Variants in MEI1 observed in about 807,000 individuals in gnomAD.
MEI1 encodes meiosis inhibitor protein 1.
A neutral mutation model predicts 146.2 loss-of-function variants in MEI1; 103 were observed. The observed-to-expected ratio is 0.70, with a 90% CI of 0.60 to 0.83. The LOEUF (loss-of-function observed/expected upper bound fraction) is 0.83. MEI1 is among the 40% of genes least tolerant of loss of function. The probability of loss-of-function intolerance (pLI) is 0.00; values close to 1 mark genes in which losing one functional copy is unlikely to be tolerated. For synonymous variants in MEI1, 652 were observed against 628.2 expected, an observed-to-expected ratio of 1.04 and a Z score of -0.57; for missense variants, 1,529 against 1,533.0, an observed-to-expected ratio of 1.00 and a Z score of 0.04.
In MEI1 at chr22:41,730,652, T is replaced by C; in HGVS notation, c.1096+15T>C. The C allele has an allele frequency of 6.4e-7, 1 of 1,568,344 alleles. No homozygotes were observed. Among genetic ancestry groups the C allele is most frequent in the Non-Finnish European group, 8.8e-7 (1 of 1,138,460 alleles). On this transcript the variant is annotated intron_variant, in intron 9 of 30. Coordinates refer to ENST00000401548, the MANE Select transcript of MEI1 (RefSeq NM_152513.4). ...CACGGTGTATGGTTGGTAGTAAGGGTCCTGTACTAGCTTTGGGTTGGGTGG... is the reference window on the plus strand; with the variant it reads ...CACGGTGTATGGTTGGTAGTAAGGGCCCTGTACTAGCTTTGGGTTGGGTGG...
chr22:41,793,032 CTTTTT>C (rs869223251), intron 26 of MEI1, among the ~76,000 whole-genome samples: 75 of 48,446 alleles, frequency 1.5e-3, no homozygotes, highest in African/African-American at 2.3e-3. Flanking sequence ...ACAAAGCATT[CTTTTT>C]TTTTTTTTTT....
Position 41,794,426 on chromosome 22 carries a change from T to C in MEI1, c.3483T>C (p.Asp1161=). ...GGTTTTTGCTGTTTACCCTCTTGGA[T>C]GCTGGAGAGAATTCCTTCCTCAGAC... The part of the protein sequence containing the change: ...WNRFLLFTLL[D]AGENSFLRPE... Residue 1161 remains aspartate, a synonymous_variant, in exon 28 of 31, where the codon GAT becomes GAC. Coordinates refer to ENST00000401548, the MANE Select transcript of MEI1 (RefSeq NM_152513.4). 1 of 1,614,026 alleles carries C rather than the reference T, an allele frequency of 6.2e-7. No individual in the cohort carries two copies. Among genetic ancestry groups the C allele is most frequent in the Non-Finnish European group, 8.5e-7 (1 of 1,179,878 alleles).
chr22:41,714,921 A>G (rs1169305631), intron 4 of MEI1, among the ~76,000 whole-genome samples: 3 of 152,122 alleles, frequency 2.0e-5, no homozygotes, highest in African/African-American at 4.8e-5. Context: ...TTTGTGTTGT[A>G]TTTAAGACTG....
chr22:41,721,533 C>T (rs763418956), intron 6 of MEI1, among the ~76,000 whole-genome samples: 7 of 146,740 alleles, frequency 4.8e-5, no homozygotes, highest in Admixed American at 2.1e-4. Flanking sequence ...TATGAGTCAC[C>T]GTGCCCAGCC....
rs1363834485 is a variant in MEI1 at position 41,794,477 on chromosome 22, G to C, written c.3534G>C (p.Leu1178=). The change falls in exon 28 of 31, where the codon CTG becomes CTC. Residue 1178 remains leucine, a splice_region_variant and synonymous_variant. Transcript: ENST00000401548. The part of the protein sequence containing the change: ...LRPEILRLMT[L]FMRYRSSSVL... ...CTGAGATTTTGAGGCTCATGACCCT[G>C]GTAAGTGCAGAAAGGATATCTTGTG... 8.1e-6 allele frequency: 13 copies of C among 1,611,662 alleles called. No individual in the cohort carries two copies. Among genetic ancestry groups the C allele is most frequent in the Non-Finnish European group, 1.1e-5 (13 of 1,177,812 alleles).
At chr22:41,706,386 A>G (rs948123708) in intron 3 of MEI1, among the ~76,000 whole-genome samples, 2 of 152,226 alleles carry the variant, frequency 1.3e-5, no homozygotes, top group East Asian at 1.9e-4. Flanking sequence ...ACATAGATAG[A>G]TAAGACATGG....
intron 26 of MEI1, among the ~76,000 whole-genome samples, chr22:41,788,774 C>T (rs942888414): frequency 6.6e-6 from 1 of 152,148 alleles, no homozygotes; most frequent in African/African-American, 2.4e-5. Context: ...TTTCACCATT[C>T]GCCTCTCATG....
At chr22:41,746,746 C>G (rs1277909533) in intron 14 of MEI1, among the ~76,000 whole-genome samples, 2 of 152,144 alleles carry the variant, frequency 1.3e-5, no homozygotes, top group African/African-American at 4.8e-5. Flanking sequence ...TTACTGGGAA[C>G]AGTAGGTGGC....
At chr22:41,775,959 T>C (rs924123699) in intron 20 of MEI1, 143 bp from the exon 21 acceptor site, 34 of 750,274 alleles carry the variant, frequency 4.5e-5, no homozygotes, top group Admixed American at 1.3e-4. Context: ...CTTTGGTACA[T>C]AATAGGTGCT....
At chr22:41,785,878 T>A (rs1434718325) in intron 26 of MEI1, among the ~76,000 whole-genome samples, 1 of 134,844 alleles carries the variant, frequency 7.4e-6, no homozygotes, top group African/African-American at 2.6e-5. Context: ...TTTATTTTTT[T>A]ATTTTTTTAT....
At chr22:41,751,708 G>A (rs2073761578) in intron 15 of MEI1, among the ~76,000 whole-genome samples, 1 of 149,088 alleles carries the variant, frequency 6.7e-6, no homozygotes, top group Non-Finnish European at 1.5e-5. Flanking sequence ...CGAGGCGGAG[G>A]TTACAGTGAG....
chr22:41,790,202 C>T (rs1404720000), intron 26 of MEI1, among the ~76,000 whole-genome samples: 5 of 152,144 alleles, frequency 3.3e-5, no homozygotes, highest in African/African-American at 1.2e-4. Context: ...CGTGCCTCAG[C>T]CTACCAAGTA....
At chr22:41,744,891 AGAG>A in intron 12 of MEI1, 79 bp from the exon 13 acceptor site, 1 of 698,398 alleles carries the variant, frequency 1.4e-6, no homozygotes. Context: ...TGTGAGAAGA[AGAG>A]GTCTACAGTC....
At chr22:41,772,288 C>T (rs1314022568) in intron 20 of MEI1, among the ~76,000 whole-genome samples, 1 of 151,994 alleles carries the variant, frequency 6.6e-6, no homozygotes, top group Non-Finnish European at 1.5e-5. Context: ...GTGGCAGGAT[C>T]ATGGCTCACT....
intron 21 of MEI1, among the ~76,000 whole-genome samples, chr22:41,778,132 G>T (rs781136654): frequency 2.0e-5 from 3 of 152,016 alleles, no homozygotes; most frequent in Non-Finnish European, 4.4e-5. Context: ...GGGGTTATAG[G>T]CATGTGCCAG....
rs1192113190 is a variant in MEI1 at position 41,785,899 on chromosome 22, T to A, written c.3345+1116T>A. Among the ~76,000 whole-genome samples, 92 of 128,292 alleles carry A rather than the reference T, an allele frequency of 7.2e-4. 1 individual carries two copies. The highest frequency in any genetic ancestry group is 1.3e-3 in the Non-Finnish European group (75 of 58,864). The allele number at this position is 128,292 out of a possible 152,430, so 84.2% of individuals were successfully genotyped here. ...TTTTTATTTTTTTATTTTTTTATTTTTTTATTTTTTATTTTATTTTTTTTT... is the reference window on the plus strand; with the variant it reads ...TTTTTATTTTTTTATTTTTTTATTTATTTATTTTTTATTTTATTTTTTTTT... On this transcript the variant is annotated intron_variant, in intron 26 of 30. Coordinates refer to ENST00000401548, the MANE Select transcript of MEI1 (RefSeq NM_152513.4).
At chr22:41,742,339 G>T (rs2072951343) in intron 11 of MEI1, among the ~76,000 whole-genome samples, 1 of 152,170 alleles carries the variant, frequency 6.6e-6, no homozygotes, top group South Asian at 2.1e-4. Flanking sequence ...CCCCAGAAGA[G>T]CTTATTACTT....
chr22:41,723,020 C>T (rs563192226), intron 6 of MEI1, among the ~76,000 whole-genome samples: 1 of 152,216 alleles, frequency 6.6e-6, no homozygotes, highest in South Asian at 2.1e-4. Flanking sequence ...GAATGTTGTT[C>T]TCTGTATCTG....
chr22:41,761,308 G>GT (rs1310121052), intron 18 of MEI1, among the ~76,000 whole-genome samples: 19 of 122,094 alleles, frequency 1.6e-4, no homozygotes, highest in East Asian at 9.4e-4. Flanking sequence ...GAGACTCAGT[G>GT]TTTTTTTTTT....
Sources: gnomAD v4.1 joint callset for allele counts (sites outside exome capture counted in the v4.1 genomes callset) on GRCh38, gnomAD v4.1.1 for gene constraint, MANE v1.5 for transcripts, NCBI Gene and HGNC (gene_info 2026-07-23, HGNC 2026-07-21) for gene names.